Variants in IL1RAP observed in about 807,000 individuals in gnomAD.
The protein encoded by IL1RAP is interleukin-1 receptor accessory protein.
A neutral mutation model predicts 60.7 loss-of-function variants in IL1RAP; 35 were observed. The ratio of observed to expected loss-of-function variants is 0.58; its 90% confidence interval spans 0.44 to 0.76. The LOEUF is 0.76. IL1RAP is among the 30% of genes least tolerant of loss of function. IL1RAP has a pLI of 0.00. For synonymous variants in IL1RAP, 268 were observed against 250.9 expected (o/e 1.07, Z -0.64); for missense variants, 572 against 693.9 (o/e 0.82, Z 1.97).
intron 3 of IL1RAP, among the ~76,000 whole-genome samples, chr3:190,592,574 A>G (rs1164242085): frequency 6.6e-6 from 1 of 152,196 alleles, no homozygotes; most frequent in Admixed American, 6.5e-5. Context: ...GTTTTTATTC[A>G]GGTGCTCTCC....
chr3:190,516,980 C>T (rs9849913), intron 1 of IL1RAP, among the ~76,000 whole-genome samples: 3,278 of 152,308 alleles, frequency 0.022, 98 homozygotes, highest in African/African-American at 0.073. Context: ...CCATCACACT[C>T]TGTTTCCTCG....
chr3:190,532,908 A>G (rs1392952142), intron 1 of IL1RAP, among the ~76,000 whole-genome samples: 1 of 152,128 alleles, frequency 6.6e-6, no homozygotes, highest in Non-Finnish European at 1.5e-5. Flanking sequence ...CTCAGGCAGC[A>G]TGGGAGATGC....
At chr3:190,599,173 G>A (rs1452493887) in intron 3 of IL1RAP, among the ~76,000 whole-genome samples, 1 of 152,044 alleles carries the variant, frequency 6.6e-6, no homozygotes, top group Non-Finnish European at 1.5e-5. Context: ...CTCGTTCACT[G>A]TCATTCTGAG....
At chr3:190,600,857 G>C (rs1421768438) in intron 3 of IL1RAP, among the ~76,000 whole-genome samples, 3 of 152,188 alleles carry the variant, frequency 2.0e-5, no homozygotes, top group African/African-American at 7.2e-5. Context: ...GTTCTCTGCT[G>C]CTGGTTTAGG....
chr3:190,612,744 T>C (rs1730930204), intron 5 of IL1RAP, among the ~76,000 whole-genome samples: 1 of 152,188 alleles, frequency 6.6e-6, no homozygotes, highest in Admixed American at 6.6e-5. Flanking sequence ...CTACTGAATT[T>C]TTATCACTTT....
At chr3:190,526,895 C>T (rs181965025) in intron 1 of IL1RAP, among the ~76,000 whole-genome samples, 104 of 152,320 alleles carry the variant, frequency 6.8e-4, no homozygotes, top group Non-Finnish European at 8.8e-5. Context: ...ATCCTGGCAT[C>T]CTGCCCTCAG....
Position 190,533,297 on chromosome 3 carries a change from A to G in IL1RAP, c.-89+19078A>G, listed in dbSNP as rs150054344. On this transcript the variant is annotated intron_variant, in intron 1 of 11. Coordinates refer to ENST00000447382, the MANE Select transcript of IL1RAP (RefSeq NM_002182.4). ...AGTTCACCATCACTAGAGATATTAA[A>G]AGAGGGCCTAGACATCTAGTTGGCA... 2.4e-4 allele frequency among the ~76,000 whole-genome samples: 37 copies of G among 152,334 alleles called. 1 individual carries two copies. In the East Asian group the frequency reaches 7.1e-3, roughly 29 times the overall value.
intron 3 of IL1RAP, among the ~76,000 whole-genome samples, chr3:190,595,014 T>A (rs761468308): frequency 2.6e-5 from 4 of 152,140 alleles, no homozygotes; most frequent in Non-Finnish European, 4.4e-5. Flanking sequence ...GTCTCTCCCT[T>A]CTCTCTCCCT....
chr3:190,644,028 T>TA (rs1215334678), intron 9 of IL1RAP: 10 of 582,510 alleles, frequency 1.7e-5, no homozygotes, highest in African/African-American at 2.0e-5. Flanking sequence ...ACTATTCAAA[T>TA]AAAAAACACC....
At chr3:190,635,661 T>C (rs1445941183) in intron 9 of IL1RAP, among the ~76,000 whole-genome samples, 1 of 152,232 alleles carries the variant, frequency 6.6e-6, no homozygotes, top group African/African-American at 2.4e-5. Flanking sequence ...ATTTTCCAGA[T>C]CGTTTTACTA....
chr3:190,607,643 T>G (rs150049714), intron 4 of IL1RAP, among the ~76,000 whole-genome samples: 5 of 152,252 alleles, frequency 3.3e-5, no homozygotes, highest in African/African-American at 1.2e-4. Flanking sequence ...GTGGGGGAAG[T>G]AAGCCCTCCA....
intron 1 of IL1RAP, among the ~76,000 whole-genome samples, chr3:190,530,300 A>G (rs1722881690): frequency 6.6e-6 from 1 of 152,156 alleles, no homozygotes; most frequent in Admixed American, 6.5e-5. Context: ...TGGAGACACA[A>G]TGAATATTCT....
intron 1 of IL1RAP, among the ~76,000 whole-genome samples, chr3:190,528,077 T>C (rs1419290446): frequency 6.6e-6 from 1 of 152,186 alleles, no homozygotes; most frequent in African/African-American, 2.4e-5. Context: ...TTCTAAAATA[T>C]GGAGCATTAC....
At chr3:190,573,794 T>C (rs540114818) in intron 3 of IL1RAP, among the ~76,000 whole-genome samples, 22 of 152,334 alleles carry the variant, frequency 1.4e-4, no homozygotes, top group Non-Finnish European at 2.1e-4. Context: ...ATTTTAATTC[T>C]CTGTAAATTG....
chr3:190,583,759 C>T (rs549190355), intron 3 of IL1RAP, among the ~76,000 whole-genome samples: 1 of 152,258 alleles, frequency 6.6e-6, no homozygotes, highest in South Asian at 2.1e-4. Flanking sequence ...GATGTGACTA[C>T]TTGGAGATAG....
intron 11 of IL1RAP, among the ~76,000 whole-genome samples, chr3:190,647,224 C>T (rs992060204): frequency 1.3e-5 from 2 of 152,098 alleles, no homozygotes; most frequent in Non-Finnish European, 2.9e-5. Context: ...CACAATCATT[C>T]CTGGATTCTC....
intron 8 of IL1RAP, among the ~76,000 whole-genome samples, 172 bp downstream of exon 8, chr3:190,627,621 T>C (rs1423586152): frequency 6.6e-6 from 1 of 152,256 alleles, no homozygotes; most frequent in African/African-American, 2.4e-5. Flanking sequence ...GTTACTGGGC[T>C]AGCAATGCAA....
chr3:190,545,900 C>G (rs1277825349), intron 1 of IL1RAP, among the ~76,000 whole-genome samples: 1 of 152,070 alleles, frequency 6.6e-6, no homozygotes, highest in African/African-American at 2.4e-5. Context: ...TGAAAAAAAA[C>G]TTTGTGAGTG....
At chr3:190,626,876 G>A (rs1354330539) in intron 7 of IL1RAP, among the ~76,000 whole-genome samples, 1 of 151,930 alleles carries the variant, frequency 6.6e-6, no homozygotes, top group Non-Finnish European at 1.5e-5. Flanking sequence ...CACCATGTTG[G>A]CCAGGCTGGT....
Sources: gnomAD v4.1 joint callset for allele counts (sites outside exome capture counted in the v4.1 genomes callset) on GRCh38, gnomAD v4.1.1 for gene constraint, MANE v1.5 for transcripts, NCBI Gene and HGNC (gene_info 2026-07-23, HGNC 2026-07-21) for gene names.